N4BP2L2: variants seen among roughly 807,000 people sequenced by gnomAD.
The protein encoded by N4BP2L2 is NEDD4 binding protein 2 like 2.
In N4BP2L2, 50 loss-of-function variants were observed where a neutral mutation model predicts 56.2. The observed-to-expected ratio is 0.89, with a 90% confidence interval of 0.71 to 1.13. The LOEUF is 1.13. Among genes scored for constraint, N4BP2L2 ranks in the 50% most tolerant of loss-of-function variants. The probability of loss-of-function intolerance (pLI) is 0.00; values close to 1 mark genes in which losing one functional copy is unlikely to be tolerated. For missense variants in N4BP2L2, 689 were observed against 693.8 expected, an observed-to-expected ratio of 0.99 and a Z score of 0.08; for synonymous variants, 203 against 223.6, an observed-to-expected ratio of 0.91 and a Z score of 0.82.
chr13:32,525,810 G>T (rs1046657703), intron 3 of N4BP2L2, among the ~76,000 whole-genome samples: 1 of 152,082 alleles, frequency 6.6e-6, no homozygotes, highest in Non-Finnish European at 1.5e-5. Context: ...CATTACAGAA[G>T]AATTCCATTA....
intron 6 of N4BP2L2, among the ~76,000 whole-genome samples, chr13:32,458,777 T>C (rs1048262680): frequency 6.6e-6 from 1 of 152,204 alleles, no homozygotes; most frequent in Non-Finnish European, 1.5e-5. Context: ...AACTGCACTT[T>C]AGACCAAATG....
At chr13:32,481,741 T>C (rs1337336834) in intron 6 of N4BP2L2, among the ~76,000 whole-genome samples, 2 of 152,202 alleles carry the variant, frequency 1.3e-5, no homozygotes, top group Non-Finnish European at 2.9e-5. Flanking sequence ...CCAGTTTTCC[T>C]GATTTTTGTT....
At position 32,522,218 on chromosome 13, in the gene N4BP2L2, AT is replaced by A; in HGVS notation, c.1436del (p.Asn479IlefsTer7). 1 of 1,575,242 alleles carries A rather than the reference AT, an allele frequency of 6.3e-7. No homozygotes were observed. Among genetic ancestry groups the A allele is most frequent in the Non-Finnish European group, 8.6e-7 (1 of 1,162,344 alleles). ...ATGGCTTCATTTCCCAAGCTTGTATATTAGTGTTATCTATTATAACTGGAGA... is the reference window on the plus strand; with the variant it reads ...ATGGCTTCATTTCCCAAGCTTGTATATAGTGTTATCTATTATAACTGGAGA... On this transcript the variant is annotated frameshift_variant, in exon 4 of 6. Coordinates refer to ENST00000267068, the Ensembl canonical transcript of N4BP2L2. LOFTEE classifies it high-confidence loss of function.
chr13:32,477,843 C>T lies in N4BP2L2; in HGVS notation c.366-33717G>A, dbSNP rs749314043. 19 of 1,283,996 alleles carry T rather than the reference C, an allele frequency of 1.5e-5. 1 individual carries two copies. In the South Asian group the frequency reaches 2.4e-4, roughly 16 times the overall value. The allele number at this position is 1,283,996 out of a possible 1,614,324, so 79.5% of individuals were successfully genotyped here. On this transcript the variant is annotated intron_variant, in intron 6 of 9. Transcript: ENST00000357505. ...AGCGGATTATTGGCATAGTTGTTTG[C>T]ACTGGATTTGAAACAAAATTCATGC...
chr13:32,496,990 G>A (rs743760), intron 6 of N4BP2L2, among the ~76,000 whole-genome samples: 2 of 152,074 alleles, frequency 1.3e-5, no homozygotes, highest in Admixed American at 6.5e-5. Flanking sequence ...TATTACAGTA[G>A]GTAGGGTTAG....
chr13:32,517,477 G>A (rs1252753243), exon 6 of N4BP2L2: 13 of 1,040,530 alleles, frequency 1.2e-5, no homozygotes, highest in African/African-American at 1.7e-5. Context: ...TTAAAAAACT[G>A]TTCAATAGTG....
chr13:32,482,711 G>T (rs988173311), intron 6 of N4BP2L2, among the ~76,000 whole-genome samples: 3 of 152,026 alleles, frequency 2.0e-5, no homozygotes, highest in Admixed American at 6.6e-5. Flanking sequence ...CTATCAGTAG[G>T]TGAAAGAGAA....
At chr13:32,506,022 A>C (rs1341356878), downstream of N4BP2L2, 1 of 152,206 alleles carries the variant, frequency 6.6e-6, no homozygotes, top group Non-Finnish European at 1.5e-5. Flanking sequence ...AATCCATATA[A>C]GTTTACTAGG....
exon 6 of N4BP2L2, chr13:32,515,266 TA>T (rs2048964845): frequency 1.3e-5 from 2 of 152,106 alleles, no homozygotes; most frequent in Non-Finnish European, 2.9e-5. Context: ...ACCCCATCTC[TA>T]CAAAAAAATT....
chr13:32,452,723 T>G (rs1176061075), intron 6 of N4BP2L2, among the ~76,000 whole-genome samples: 1 of 152,208 alleles, frequency 6.6e-6, no homozygotes, highest in African/African-American at 2.4e-5. Flanking sequence ...CAACTCTTAG[T>G]AAACCAGGAA....
chr13:32,470,643 A>C (rs1349245978), intron 6 of N4BP2L2, among the ~76,000 whole-genome samples: 1 of 152,204 alleles, frequency 6.6e-6, no homozygotes, highest in East Asian at 1.9e-4. Context: ...GGCTAATGAG[A>C]GCATGGCAGG....
intron 6 of N4BP2L2, among the ~76,000 whole-genome samples, chr13:32,475,576 G>T (rs1269808141): frequency 6.6e-6 from 1 of 152,092 alleles, no homozygotes; most frequent in South Asian, 2.1e-4. Flanking sequence ...TTATGCAAAT[G>T]GACATTCCAG....
At chr13:32,438,668 C>A (rs2075810544) in exon 8 of N4BP2L2, 1 of 1,605,102 alleles carries the variant, frequency 6.2e-7, no homozygotes, top group Admixed American at 1.7e-5. Context: ...TGACATCTTC[C>A]ATTGCAAGTA....
chr13:32,514,461 T>C (rs1313974234), exon 6 of N4BP2L2: 1 of 152,190 alleles, frequency 6.6e-6, no homozygotes, highest in Non-Finnish European at 1.5e-5. Flanking sequence ...ATGATTAATA[T>C]CCACTTTAAT....
intron 6 of N4BP2L2, among the ~76,000 whole-genome samples, chr13:32,476,076 T>A (rs374880410): frequency 6.6e-6 from 1 of 152,188 alleles, no homozygotes; most frequent in South Asian, 2.1e-4. Context: ...AACTAAATCC[T>A]GGATTAAGCA....
intron 2 of N4BP2L2, among the ~76,000 whole-genome samples, chr13:32,532,239 A>C (rs1015679078): frequency 6.6e-6 from 1 of 152,208 alleles, no homozygotes; most frequent in Non-Finnish European, 1.5e-5. Flanking sequence ...AATAATCTGT[A>C]AAACAGATGA....
chr13:32,436,937 G>A (rs192589376), intron 8 of N4BP2L2, among the ~76,000 whole-genome samples: 12 of 151,306 alleles, frequency 7.9e-5, no homozygotes, highest in Admixed American at 2.0e-4. Context: ...ATGGAGTGCA[G>A]TGGCACAATG....
rs146304852 is a variant in N4BP2L2 at position 32,446,615 on chromosome 13, G to T, written c.366-2489C>A. 170 of 1,002,528 alleles carry T rather than the reference G, an allele frequency of 1.7e-4. No individual in the cohort carries two copies. The African/African-American group carries it at 2.6e-3, about 15-fold the overall frequency. The allele number at this position is 1,002,528 out of a possible 1,614,324, so 62.1% of individuals were successfully genotyped here. ...TTCTGTGGAGTTTAATGCACTTAAT[G>T]TATAGTCACTGTCCCTCAGAACAGC... On this transcript the variant is annotated intron_variant, in intron 6 of 9. Coordinates refer to the N4BP2L2 transcript ENST00000357505.
At chr13:32,486,595 G>A (rs1441736717) in intron 6 of N4BP2L2, among the ~76,000 whole-genome samples, 2 of 152,056 alleles carry the variant, frequency 1.3e-5, no homozygotes, top group African/African-American at 4.8e-5. Flanking sequence ...ATAATCGCTT[G>A]AACCCGGGAG....
Sources: allele counts gnomAD v4.1 joint callset (sites outside exome capture counted in the v4.1 genomes callset), GRCh38; gene constraint gnomAD v4.1.1; transcripts MANE v1.5; gene names NCBI Gene and HGNC (gene_info 2026-07-23, HGNC 2026-07-21).